SLC12A1: variants seen among roughly 807,000 people sequenced by gnomAD.
The protein encoded by SLC12A1 is Na-K-2Cl cotransporter.
SLC12A1 carries 89 observed loss-of-function variants against 130.4 expected under a neutral mutation model. That is an observed-to-expected ratio of 0.68 (90% CI 0.58 to 0.81). SLC12A1 has a LOEUF of 0.81. Among genes scored for constraint, SLC12A1 ranks in the 40% least tolerant of loss-of-function variants. The pLI, the probability that SLC12A1 is intolerant of heterozygous loss-of-function variation, is 0.00. For synonymous variants in SLC12A1, 499 were observed against 460.0 expected (o/e 1.08, Z -1.09); for missense variants, 1,310 against 1,336.4 (o/e 0.98, Z 0.31).
chr15:48,232,954 T>C (rs1171985785), intron 8 of SLC12A1, 116 bp downstream of exon 8: 4 of 676,874 alleles, frequency 5.9e-6, no homozygotes, highest in African/African-American at 5.4e-5. Context: ...TTCAAGTTAC[T>C]TGTGGATGCG....
chr15:48,226,838 G>T (rs2041295405), intron 5 of SLC12A1: 1 of 588,288 alleles, frequency 1.7e-6, no homozygotes, highest in Non-Finnish European at 3.0e-6. Context: ...TCTTTTTCAG[G>T]CTAGTCTGCA....
At chr15:48,260,380 AC>A (rs2041761392) in intron 17 of SLC12A1, among the ~76,000 whole-genome samples, 1 of 144,264 alleles carries the variant, frequency 6.9e-6, no homozygotes, top group East Asian at 2.1e-4. Context: ...ACACACACAC[AC>A]ACCACTGAAA....
chr15:48,210,617 G>T (rs1469815807), intron 2 of SLC12A1, among the ~76,000 whole-genome samples: 2 of 151,516 alleles, frequency 1.3e-5, no homozygotes, highest in Admixed American at 1.3e-4. Context: ...CACTTTGGGA[G>T]GCTGAGGCTG....
At chr15:48,286,612 G>T (rs1267313220) in intron 21 of SLC12A1, among the ~76,000 whole-genome samples, 2 of 152,154 alleles carry the variant, frequency 1.3e-5, no homozygotes, top group Admixed American at 1.3e-4. Context: ...ATGACAGCGG[G>T]ACTTGTTATT....
Position 48,207,970 on chromosome 15 carries a change from C to T in SLC12A1, c.251C>T (p.Ala84Val), listed in dbSNP as rs375797808. The T allele has an allele frequency of 2.5e-6, 4 of 1,613,942 alleles. No homozygotes were observed. The highest frequency in any genetic ancestry group is 3.4e-6 in the Non-Finnish European group (4 of 1,179,880). Reference protein sequence around the residue: ...LQSGETAKTDASFHAYDSHTN... With the variant: ...LQSGETAKTDVSFHAYDSHTN... ...AGTGGAGAAACTGCTAAAACAGATG[C>T]CAGTTTTCACGCTTATGATTCTCAC... Residue 84 changes from alanine (A) to valine (V), a missense_variant, in exon 2 of 27, where the codon GCC (alanine) becomes GTC (valine). Physicochemically the swap from Ala to Val is moderately conservative, Grantham distance 64 (BLOSUM62 0). Coordinates refer to ENST00000380993, the MANE Select transcript of SLC12A1 (RefSeq NM_000338.3).
At chr15:48,244,610 C>A (rs1309496175) in intron 10 of SLC12A1, 143 bp from the exon 11 acceptor site, 4 of 733,584 alleles carry the variant, frequency 5.5e-6, no homozygotes, top group Non-Finnish European at 6.7e-6. Context: ...CAGATGGGAG[C>A]CTCCAGTTAT....
Position 48,288,506 on chromosome 15 carries a change from G to GA in SLC12A1, c.2869dup (p.Ile957AsnfsTer11), listed in dbSNP as rs764247288. Reference sequence around the variant, plus strand: ...AGGGAAGATCAACCGCATTGAAGAAGAAAAAATTGTGTAAGTAGTTTGCCA... The same window carrying GA: ...AGGGAAGATCAACCGCATTGAAGAAGAAAAAAATTGTGTAAGTAGTTTGCCA... On this transcript the variant is annotated frameshift_variant, in exon 23 of 27. Transcript: ENST00000380993. LOFTEE classifies it high-confidence loss of function. 7.3e-6 allele frequency: 11 copies of GA among 1,502,908 alleles called. No homozygotes were observed. In the Admixed American group the frequency reaches 1.4e-4, roughly 19 times the overall value. 93.1% of individuals were successfully genotyped at this position (1,502,908 alleles called of 1,614,324 possible).
chr15:48,221,079 T>A, intron 4 of SLC12A1, 83 bp downstream of exon 4: 1 of 1,229,740 alleles, frequency 8.1e-7, no homozygotes, highest in South Asian at 1.2e-5. Flanking sequence ...TAATACTGAA[T>A]GTGAGATGAA....
intron 2 of SLC12A1, among the ~76,000 whole-genome samples, chr15:48,209,644 G>T (rs1227972940): frequency 6.6e-6 from 1 of 151,990 alleles, no homozygotes; most frequent in African/African-American, 2.4e-5. Context: ...ACACCCGAGA[G>T]TCTAGGAATA....
chr15:48,264,998 G>A (rs188780446), intron 17 of SLC12A1, among the ~76,000 whole-genome samples: 4 of 152,118 alleles, frequency 2.6e-5, no homozygotes, highest in Admixed American at 1.3e-4. Context: ...GATCCCAACT[G>A]AAGCTAATCT....
chr15:48,259,419 C>T (rs1486399437), intron 17 of SLC12A1, 108 bp downstream of exon 17: 1 of 799,678 alleles, frequency 1.3e-6, no homozygotes, highest in Non-Finnish European at 2.2e-6. Context: ...AGCAAAAAAA[C>T]AGTTTATAGG....
At chr15:48,241,706 A>T (rs1720740296) in intron 10 of SLC12A1, 107 bp downstream of exon 10, 11 of 780,638 alleles carry the variant, frequency 1.4e-5, no homozygotes, top group South Asian at 9.2e-5. Flanking sequence ...TTTAAAAGGC[A>T]ACAATTTTAA....
chr15:48,212,828 A>T (rs2041069752), intron 2 of SLC12A1, among the ~76,000 whole-genome samples: 1 of 152,220 alleles, frequency 6.6e-6, no homozygotes. Context: ...TCCAAAAAAA[A>T]ATCAATGAAA....
rs559376215 is a variant in SLC12A1 at position 48,302,605 on chromosome 15, C to A, written c.3165-145C>A. On this transcript the variant is annotated intron_variant, in intron 26 of 26. Coordinates refer to ENST00000380993, the MANE Select transcript of SLC12A1 (RefSeq NM_000338.3). ...ACTGCAGTCCGCAGTCCGGCCTGGG[C>A]GACAGAGCGAGACTCCGTCTCAAAA... 1.4e-4 allele frequency: 54 copies of A among 393,200 alleles called. No individual in the cohort carries two copies. The South Asian group carries it at 2.4e-3, about 18-fold the overall frequency. 24.4% of individuals were successfully genotyped at this position (393,200 alleles called of 1,614,324 possible). A position where few individuals can be genotyped will look rare whatever the true frequency, so the allele number is the denominator to read the frequency against.
chr15:48,249,089 C>G (rs989840679), intron 13 of SLC12A1, among the ~76,000 whole-genome samples: 2 of 152,084 alleles, frequency 1.3e-5, no homozygotes, highest in African/African-American at 4.8e-5. Flanking sequence ...AGGTAGAACT[C>G]TCTAGAGATG....
intron 15 of SLC12A1, among the ~76,000 whole-genome samples, chr15:48,254,023 T>TAAAG (rs1437504780): frequency 6.6e-6 from 1 of 152,236 alleles, no homozygotes; most frequent in Non-Finnish European, 1.5e-5. Context: ...GAGAGTTCTT[T>TAAAG]ATCTATTCTG....
At chr15:48,270,054 C>T (rs942634394) in intron 19 of SLC12A1, among the ~76,000 whole-genome samples, 6 of 152,212 alleles carry the variant, frequency 3.9e-5, no homozygotes, top group African/African-American at 1.2e-4. Context: ...AAGGAAAGCA[C>T]AGCTAAGCAA....
intron 11 of SLC12A1, among the ~76,000 whole-genome samples, 154 bp from the exon 12 acceptor site, chr15:48,246,755 G>A (rs1041738509): frequency 1.3e-5 from 2 of 151,188 alleles, no homozygotes; most frequent in Non-Finnish European, 2.9e-5. Context: ...ACTCCAGCCT[G>A]GGCGATAGAG....
chr15:48,215,968 C>T (rs2041115658), intron 2 of SLC12A1, among the ~76,000 whole-genome samples: 1 of 152,096 alleles, frequency 6.6e-6, no homozygotes, highest in African/African-American at 2.4e-5. Context: ...TTTTTGGCTC[C>T]TACATGAGAG....
Sources: allele counts gnomAD v4.1 joint callset (sites outside exome capture counted in the v4.1 genomes callset), GRCh38; gene constraint gnomAD v4.1.1; transcripts MANE v1.5; gene names NCBI Gene and HGNC (gene_info 2026-07-23, HGNC 2026-07-21).